The following DNMT3B variants were observed in gnomAD, a reference collection of about 807,000 sequenced individuals.
DNMT3B encodes the protein DNA methyltransferase 3 beta.
A neutral mutation model predicts 120.2 loss-of-function variants in DNMT3B; 37 were observed. That is an observed-to-expected ratio of 0.31 (90% CI 0.24 to 0.40). The LOEUF is 0.40. Ranked by LOEUF, DNMT3B falls within the 10% of genes least tolerant of loss-of-function variation. The pLI, the probability that DNMT3B is intolerant of heterozygous loss-of-function variation, is 1.00. For synonymous variants in DNMT3B, 412 were observed against 442.8 expected, an observed-to-expected ratio of 0.93 and a Z score of 0.87; for missense variants, 878 against 1,137.3, an observed-to-expected ratio of 0.77 and a Z score of 3.28.
chr20:32,773,443 C>T (rs1333469), intron 1 of DNMT3B, among the ~76,000 whole-genome samples: 85,521 of 151,740 alleles, frequency 0.56, 27,223 homozygotes, highest in East Asian at 0.92. Flanking sequence ...TTGATTGGCC[C>T]TGTGGTGTGG....
intron 10 of DNMT3B, 29 bp downstream of exon 10, chr20:32,793,624 CCT>C: frequency 1.2e-6 from 2 of 1,611,376 alleles, no homozygotes; most frequent in Non-Finnish European, 1.7e-6. Context: ...TTGACTGTGC[CCT>C]GTTTTCTATG....
intron 4 of DNMT3B, 148 bp from the exon 5 acceptor site, chr20:32,786,354 G>T (rs1979282568): frequency 1.7e-6 from 2 of 1,150,638 alleles, no homozygotes; most frequent in Non-Finnish European, 2.5e-6. Context: ...TCAGTCCAGA[G>T]TCCCACCTCA....
intron 1 of DNMT3B, among the ~76,000 whole-genome samples, chr20:32,768,553 C>T (rs895621713): frequency 6.6e-6 from 1 of 152,026 alleles, no homozygotes; most frequent in Non-Finnish European, 1.5e-5. Context: ...TCTCAAATTC[C>T]TAGGCTCAAG....
chr20:32,796,532 C>G (rs188258133), intron 12 of DNMT3B, among the ~76,000 whole-genome samples: 142 of 152,290 alleles, frequency 9.3e-4, no homozygotes, highest in African/African-American at 3.2e-3. Flanking sequence ...CAGGGAGGTC[C>G]CCCTGCTCAG....
intron 1 of DNMT3B, among the ~76,000 whole-genome samples, chr20:32,778,332 C>A (rs565638176): frequency 1.9e-4 from 28 of 150,674 alleles, no homozygotes; most frequent in African/African-American, 6.8e-4. Context: ...CACCACTGCA[C>A]TGCAGCCTGG....
intron 1 of DNMT3B, among the ~76,000 whole-genome samples, chr20:32,771,092 G>A (rs1987708388): frequency 6.6e-6 from 1 of 152,002 alleles, no homozygotes; most frequent in Admixed American, 6.6e-5. Context: ...TCTTTGTGTT[G>A]TGATTTTTAC....
intron 7 of DNMT3B, among the ~76,000 whole-genome samples, chr20:32,789,849 C>G (rs1020114604): frequency 5.3e-5 from 8 of 152,366 alleles, no homozygotes; most frequent in Middle Eastern, 3.4e-3. Context: ...CCGCCTCGGC[C>G]TCCCAGTGCT....
intron 2 of DNMT3B, 31 bp from the exon 3 acceptor site, chr20:32,781,322 C>G (rs777319209): frequency 4.4e-6 from 7 of 1,576,870 alleles, no homozygotes; most frequent in Non-Finnish European, 6.0e-6. Context: ...CCTGCCCCCA[C>G]AAAACAGACT....
intron 20 of DNMT3B, among the ~76,000 whole-genome samples, chr20:32,804,684 C>CTTT (rs537765800): frequency 1.4e-4 from 16 of 112,664 alleles, no homozygotes; most frequent in African/African-American, 3.2e-4. Flanking sequence ...GGTGCTTAGT[C>CTTT]TTTTTTTTTT....
intron 9 of DNMT3B, 69 bp downstream of exon 9, chr20:32,792,839 C>T: frequency 6.2e-7 from 1 of 1,601,284 alleles, no homozygotes; most frequent in Non-Finnish European, 8.5e-7. Flanking sequence ...GAGAGTCAGC[C>T]ACCCCTGCTG....
intron 10 of DNMT3B, among the ~76,000 whole-genome samples, chr20:32,794,903 TG>T (rs940593975): frequency 6.6e-6 from 1 of 152,246 alleles, no homozygotes; most frequent in African/African-American, 2.4e-5. Flanking sequence ...CAGATGTAGA[TG>T]GTTAAACACA....
At chr20:32,782,804 C>T (rs1460617468) in intron 3 of DNMT3B, among the ~76,000 whole-genome samples, 1 of 152,102 alleles carries the variant, frequency 6.6e-6, no homozygotes, top group Non-Finnish European at 1.5e-5. Flanking sequence ...CATGTATCCC[C>T]CCTGGATAAG....
At chr20:32,777,580 C>A (rs1448599237) in intron 1 of DNMT3B, among the ~76,000 whole-genome samples, 2 of 152,190 alleles carry the variant, frequency 1.3e-5, no homozygotes, top group Admixed American at 1.3e-4. Flanking sequence ...GTCCTCCCCC[C>A]AGAGCACTTT....
intron 3 of DNMT3B, among the ~76,000 whole-genome samples, chr20:32,783,539 A>G (rs901003815): frequency 6.7e-6 from 1 of 150,334 alleles, no homozygotes; most frequent in African/African-American, 2.5e-5. Flanking sequence ...GGGCAATGAA[A>G]ACTCACCCTC....
intron 1 of DNMT3B, among the ~76,000 whole-genome samples, chr20:32,768,848 G>A (rs1987547124): frequency 6.6e-6 from 1 of 152,118 alleles, no homozygotes; most frequent in African/African-American, 2.4e-5. Flanking sequence ...TGGCACCATG[G>A]GTAAGGAAGC....
intron 8 of DNMT3B, 49 bp from the exon 9 acceptor site, chr20:32,792,577 G>C (rs368420286): frequency 1.2e-5 from 20 of 1,613,418 alleles, no homozygotes; most frequent in East Asian, 2.2e-5. Context: ...GTGGCCTGGC[G>C]AGCACCTCCT....
rs112494355 is a variant in DNMT3B, at chr20:32,779,052, C to T, written c.-6-1266C>T. 5.5e-3 allele frequency among the ~76,000 whole-genome samples: 836 copies of T among 152,188 alleles called. 10 individuals are homozygous for T. Among genetic ancestry groups the T allele is most frequent in the African/African-American group, 0.019 (797 of 41,510 alleles). On this transcript the variant is annotated intron_variant, in intron 1 of 22. Coordinates refer to ENST00000328111, the MANE Select transcript of DNMT3B (RefSeq NM_006892.4). ...GCTGGTATGTCTCCACGATGGAGCC[C>T]GAGGCAGGGAGGCCCGGTGCATATG...
chr20:32,778,631 C>T (rs531228891), intron 1 of DNMT3B, among the ~76,000 whole-genome samples: 26 of 152,334 alleles, frequency 1.7e-4, no homozygotes, highest in African/African-American at 3.4e-4. Context: ...ACTGAGCTCA[C>T]GGTGCCCCCT....
intron 1 of DNMT3B, among the ~76,000 whole-genome samples, chr20:32,771,072 T>G (rs1223160179): frequency 1.3e-5 from 2 of 152,214 alleles, no homozygotes; most frequent in African/African-American, 4.8e-5. Context: ...AATATAACAT[T>G]TCTAGCTTTT....
Sources: allele counts gnomAD v4.1 joint callset (sites outside exome capture counted in the v4.1 genomes callset), GRCh38; gene constraint gnomAD v4.1.1; transcripts MANE v1.5; gene names NCBI Gene and HGNC (gene_info 2026-07-23, HGNC 2026-07-21).